Variants in SASH1 observed in about 807,000 individuals in gnomAD.
SASH1 encodes SAM and SH3 domain containing 1.
A neutral mutation model predicts 125.2 loss-of-function variants in SASH1; 44 were observed. The ratio of observed to expected loss-of-function variants is 0.35; its 90% CI spans 0.28 to 0.45. The LOEUF is 0.45. Among genes scored for constraint, SASH1 ranks in the 20% least tolerant of loss-of-function variants. SASH1 has a pLI of 1.00. For missense variants in SASH1, 1,426 were observed against 1,614.5 expected, an observed-to-expected ratio of 0.88 and a Z score of 2.00; for synonymous variants, 639 against 649.1, an observed-to-expected ratio of 0.98 and a Z score of 0.24.
chr6:148,206,646 C>T, the SASH1 span, among the ~76,000 whole-genome samples: 1 of 151,844 alleles, frequency 6.6e-6, no homozygotes, highest in Admixed American at 6.6e-5. Flanking sequence ...AAAAATTTGC[C>T]AGGGGTGATG....
rs576798745 is a variant in SASH1 at position 148,446,088 on chromosome 6, CTTTTTTTTTTTTTTTTTTTTTTTTT to C, written c.386+5695_386+5719del. Among the ~76,000 whole-genome samples, 70 of 71,002 alleles carry C rather than the reference CTTTTTTTTTTTTTTTTTTTTTTTTT, an allele frequency of 9.9e-4. 2 individuals carry two copies. Among genetic ancestry groups the C allele is most frequent in the African/African-American group, 3.5e-3 (67 of 18,912 alleles). 46.6% of individuals were successfully genotyped at this position (71,002 alleles called of 152,430 possible). ...TTGCTATCCTGAACAACATAGGGTT[CTTTTTTTTTTTTTTTTTTTTTTTTT>C]TTTTTTTTTTTTTGAGACGGAGCCT... On this transcript the variant is annotated intron_variant, in intron 4 of 19. Transcript: ENST00000367467.
rs114440206 is a variant in SASH1 at position 148,396,700 on chromosome 6, C to T, written c.285+6438C>T. ...CCAAGCTGGAGGAAGAGCCCTTACCCGGGCTTGTTGCAGTGAGCAAGAGGG... is the reference window on the plus strand; with the variant it reads ...CCAAGCTGGAGGAAGAGCCCTTACCTGGGCTTGTTGCAGTGAGCAAGAGGG... On this transcript the variant is annotated intron_variant, in intron 2 of 19. Coordinates refer to ENST00000367467, the MANE Select transcript of SASH1 (RefSeq NM_015278.5). Among the ~76,000 whole-genome samples the T allele has an allele frequency of 1.1e-3, 169 of 152,146 alleles. 1 individual carries two copies. Among genetic ancestry groups the T allele is most frequent in the African/African-American group, 4.0e-3 (164 of 41,514 alleles).
At chr6:148,211,430 G>A in the SASH1 span, among the ~76,000 whole-genome samples, 1 of 149,596 alleles carries the variant, frequency 6.7e-6, no homozygotes, top group Non-Finnish European at 1.5e-5. Context: ...AATTATCCAG[G>A]TGTGGTGGCA....
At position 148,410,099 on chromosome 6, in the gene SASH1, CTTTTTTTTTTTTTTTT is replaced by C. The variant is rs869081496; in HGVS notation, c.285+19851_285+19866del. The stretch of plus-strand genomic sequence containing the variant: ...AGGTAGGGTGTTTTCCAGAGCAGTC[CTTTTTTTTTTTTTTTT>C]TTTTTTTTTTTTTGAGACAGAGTCT... On this transcript the variant is annotated intron_variant, in intron 2 of 19. Transcript: ENST00000367467. 5.4e-4 allele frequency among the ~76,000 whole-genome samples: 30 copies of C among 55,742 alleles called. 1 individual carries two copies. Among genetic ancestry groups the C allele is most frequent in the African/African-American group, 2.0e-3 (28 of 13,718 alleles). 36.6% of individuals were successfully genotyped at this position (55,742 alleles called of 152,430 possible).
intron 2 of SASH1, among the ~76,000 whole-genome samples, chr6:148,390,485 C>T (rs1303400568): frequency 6.6e-6 from 1 of 152,182 alleles, no homozygotes; most frequent in Non-Finnish European, 1.5e-5. Flanking sequence ...AACCTTTGCA[C>T]TCATTAAAAG....
At chr6:148,442,805 G>A (rs1049556119) in intron 4 of SASH1, among the ~76,000 whole-genome samples, 2 of 150,574 alleles carry the variant, frequency 1.3e-5, no homozygotes, top group South Asian at 2.1e-4. Context: ...AGGGAGTATC[G>A]CTCTGTCGCC....
chr6:148,295,386 C>G (rs761394680), intron 1 of SASH1, among the ~76,000 whole-genome samples: 2 of 152,178 alleles, frequency 1.3e-5, no homozygotes, highest in African/African-American at 2.4e-5. Flanking sequence ...TTCTGATACT[C>G]TCCTTCAGAG....
At chr6:148,275,725 T>C (rs1423448948) in intron 1 of SASH1, among the ~76,000 whole-genome samples, 1 of 152,196 alleles carries the variant, frequency 6.6e-6, no homozygotes, top group Non-Finnish European at 1.5e-5. Flanking sequence ...TCACATTATA[T>C]TGCAATTATT....
chr6:148,480,321 T>TAA (rs67748460), intron 7 of SASH1: 8,690 of 122,196 alleles, frequency 0.071, 918 homozygotes, highest in African/African-American at 0.24. Context: ...AACTCCATCT[T>TAA]AAAAAAAAAA....
At chr6:148,448,511 A>C (rs1473958922) in intron 4 of SASH1, among the ~76,000 whole-genome samples, 13 of 152,048 alleles carry the variant, frequency 8.5e-5, no homozygotes, top group Admixed American at 5.2e-4. Context: ...TCCCCGGGTC[A>C]CACTTCTCTC....
intron 8 of SASH1, among the ~76,000 whole-genome samples, chr6:148,491,351 C>T (rs1779101640): frequency 6.6e-6 from 1 of 152,186 alleles, no homozygotes; most frequent in Non-Finnish European, 1.5e-5. Context: ...CTCACTGCAA[C>T]TTCTGCCTCC....
intron 1 of SASH1, among the ~76,000 whole-genome samples, chr6:148,324,810 C>T (rs538788472): frequency 6.6e-6 from 1 of 152,254 alleles, no homozygotes; most frequent in South Asian, 2.1e-4. Flanking sequence ...AGTGCTAAAA[C>T]TGTGGTAGTT....
the SASH1 span, among the ~76,000 whole-genome samples, chr6:148,253,460 G>A: frequency 1.3e-5 from 2 of 152,138 alleles, no homozygotes; most frequent in Non-Finnish European, 2.9e-5. Flanking sequence ...ACTATTAAAA[G>A]AAGATACATG....
chr6:148,243,583 C>T, the SASH1 span, among the ~76,000 whole-genome samples: 21 of 135,092 alleles, frequency 1.6e-4, no homozygotes, highest in African/African-American at 5.0e-4. Flanking sequence ...GTGGAGGTTG[C>T]AGAGAGCCAA....
At chr6:148,214,281 A>G in the SASH1 span, among the ~76,000 whole-genome samples, 1 of 152,350 alleles carries the variant, frequency 6.6e-6, no homozygotes, top group Non-Finnish European at 1.5e-5. Context: ...GCATGTTCGT[A>G]CAAAATGCTT....
At chr6:148,354,738 T>C (rs549079868) in intron 1 of SASH1, among the ~76,000 whole-genome samples, 1 of 152,266 alleles carries the variant, frequency 6.6e-6, no homozygotes, top group East Asian at 1.9e-4. Flanking sequence ...AAGCCTGTAA[T>C]GAATAAACCT....
At chr6:148,281,106 C>CTTTTTTTTTTTTT (rs34144143) in intron 1 of SASH1, among the ~76,000 whole-genome samples, 1 of 69,260 alleles carries the variant, frequency 1.4e-5, no homozygotes, top group African/African-American at 5.6e-5. Flanking sequence ...CCATGCCTAG[C>CTTTTTTTTTTTTT]TTTTTTTTTT....
At chr6:148,415,859 AT>A (rs1225278982) in intron 2 of SASH1, among the ~76,000 whole-genome samples, 3 of 152,246 alleles carry the variant, frequency 2.0e-5, no homozygotes, top group Admixed American at 1.3e-4. Context: ...CATTCAGAGG[AT>A]TCCCTTTGGC....
chr6:148,336,201 T>TG (rs35498130), intron 1 of SASH1, among the ~76,000 whole-genome samples: 13,030 of 121,178 alleles, frequency 0.11, 712 homozygotes, highest in Non-Finnish European at 0.16. Flanking sequence ...TTTTTTTTTT[T>TG]GAGACAGAGT....
Sources: allele counts gnomAD v4.1 joint callset (sites outside exome capture counted in the v4.1 genomes callset), GRCh38; gene constraint gnomAD v4.1.1; transcripts MANE v1.5; gene names NCBI Gene and HGNC (gene_info 2026-07-23, HGNC 2026-07-21).